The following FANCD2 variants were observed in gnomAD, a reference collection of about 807,000 sequenced individuals.
The protein encoded by FANCD2 is Fanconi anemia group D2 protein.
A neutral mutation model predicts 192.3 loss-of-function variants in FANCD2; 131 were observed. The observed-to-expected ratio is 0.68, with a 90% CI of 0.59 to 0.79. The LOEUF is 0.79. FANCD2 is among the 30% of genes least tolerant of loss of function. FANCD2 has a pLI of 0.00. For synonymous variants in FANCD2, 524 were observed against 612.5 expected, an observed-to-expected ratio of 0.86 and a Z score of 2.13; for missense variants, 1,508 against 1,701.6, an observed-to-expected ratio of 0.89 and a Z score of 2.00.
At position 10,101,194 on chromosome 3, in the gene FANCD2, G is replaced by A. The variant is rs1695278220; in HGVS notation, c.4288G>A (p.Glu1430Lys). The change falls in exon 44 of 44, where the codon GAA becomes AAA. Residue 1430 changes from glutamate (E) to lysine (K), a missense_variant. Glu to Lys is a moderately conservative substitution (Grantham distance 56, BLOSUM62 1). This residue lies in a region of FANCD2 where 796 missense variants were observed against 879.4 expected (regional missense o/e 0.91). Transcript: ENST00000675286. ...ASKSKATEDG[E>K]EDEVSAGEKE... The stretch of plus-strand genomic sequence containing the variant: ...TTTATTCTTTGCCCCTTAGGATGGT[G>A]AAGAAGACGAAGTAAGTGCTGGAGA... 9 of 1,612,472 alleles carry A rather than the reference G, an allele frequency of 5.6e-6. No individual in the cohort carries two copies. The highest frequency in any genetic ancestry group is 7.6e-6 in the Non-Finnish European group (9 of 1,178,624).
intron 29 of FANCD2, among the ~76,000 whole-genome samples, chr3:10,075,910 T>C (rs1429406948): frequency 3.3e-5 from 5 of 151,826 alleles, no homozygotes; most frequent in African/African-American, 1.2e-4. Context: ...TTTTGTATTT[T>C]TAATAGAGAC....
chr3:10,079,921 C>CTT (rs1158025491), intron 30 of FANCD2, among the ~76,000 whole-genome samples: 21 of 145,004 alleles, frequency 1.4e-4, no homozygotes, highest in African/African-American at 4.5e-4. Flanking sequence ...TCTTCGTCTT[C>CTT]TTTTTTTTTT....
intron 18 of FANCD2, among the ~76,000 whole-genome samples, chr3:10,055,414 G>A (rs188383800): frequency 4.6e-4 from 70 of 152,058 alleles, no homozygotes; most frequent in Non-Finnish European, 2.1e-4. Flanking sequence ...GGAATCATAC[G>A]ATATGTATCC....
intron 42 of FANCD2, among the ~76,000 whole-genome samples, chr3:10,097,353 G>GT (rs1361357399): frequency 1.3e-5 from 2 of 152,156 alleles, no homozygotes; most frequent in Admixed American, 1.3e-4. Context: ...GGAGACTGGA[G>GT]TTTATTTCAC....
chr3:10,060,377 C>T lies in FANCD2; in HGVS notation c.1740C>T (p.Thr580=), dbSNP rs200041772. Reference sequence around the variant, plus strand: ...TCATTGGGATTATTGGTGCTGTGACCATGGCTGGCATCATGGCGGCAGACA... The same window carrying T: ...TCATTGGGATTATTGGTGCTGTGACTATGGCTGGCATCATGGCGGCAGACA... ...YKLIGIIGAV[T]MAGIMAADRS... is the part of the protein sequence containing the mutation. The change falls in exon 19 of 44, where the codon ACC becomes ACT. Residue 580 remains threonine (T), a synonymous_variant. Coordinates refer to ENST00000675286, the MANE Select transcript of FANCD2 (RefSeq NM_001018115.3). 1.8e-5 allele frequency: 29 copies of T among 1,613,770 alleles called. No individual in the cohort carries two copies. Among genetic ancestry groups the T allele is most frequent in the Non-Finnish European group, 2.3e-5 (27 of 1,179,952 alleles).
chr3:10,081,432 G>T lies in FANCD2; in HGVS notation c.3192G>T (p.Arg1064Ser). The change falls in exon 32 of 44, where the codon AGG (arginine) becomes AGT (serine). Residue 1064 changes from arginine to serine, a missense_variant. Around this residue, in one of 5 missense-constraint regions of FANCD2, gnomAD observed 796 missense variants for 879.4 expected, o/e 0.91. Coordinates refer to ENST00000675286, the MANE Select transcript of FANCD2 (RefSeq NM_001018115.3). ...ACATAATGTCTTCCTGCTATCAGAG[G>T]CTGCTGCAGATTTTTCATGGGCTTT... ...EYHIMSSCYQ[R>S]LLQIFHGLFA... 6.2e-7 allele frequency: 1 copy of T among 1,613,980 alleles called. No homozygotes were observed. Among genetic ancestry groups the T allele is most frequent in the African/African-American group, 1.3e-5 (1 of 75,058 alleles).
In FANCD2 at chr3:10,088,473, G is replaced by A; in HGVS notation, c.3491G>A (p.Cys1164Tyr). The A allele has an allele frequency of 6.2e-7, 1 of 1,611,386 alleles. No individual in the cohort carries two copies. The highest frequency in any genetic ancestry group is 8.5e-7 in the Non-Finnish European group (1 of 1,177,512). ...GCTTCCCTTGCCAGACAATTCCTCT[G>A]TCGGGTGTGGCCAAGTGGGGATAAA... The part of the protein sequence containing the change: ...KIASLARQFL[C>Y]RVWPSGDKEK... The change falls in exon 35 of 44, where the codon TGT becomes TAT. Residue 1164 changes from cysteine to tyrosine, a missense_variant. By Grantham distance (194) the Cys-to-Tyr change is radical. This residue lies in a region of FANCD2 where 796 missense variants were observed against 879.4 expected (regional missense o/e 0.91). Transcript: ENST00000675286.
chr3:10,071,139 GAAAA>G (rs1210612879), intron 26 of FANCD2, among the ~76,000 whole-genome samples: 20 of 115,530 alleles, frequency 1.7e-4, no homozygotes, highest in Admixed American at 1.4e-3. Flanking sequence ...AAAAAAAAAA[GAAAA>G]AAAGAAAAAA....
intron 32 of FANCD2, among the ~76,000 whole-genome samples, chr3:10,085,597 G>A (rs750828943): frequency 3.3e-5 from 5 of 151,784 alleles, no homozygotes; most frequent in Non-Finnish European, 7.4e-5. Context: ...TCACCGTGTT[G>A]GCCAAGATGG....
chr3:10,095,308 C>T (rs1270605965), intron 41 of FANCD2, 34 bp downstream of exon 41: 2 of 1,575,264 alleles, frequency 1.3e-6, no homozygotes, highest in Non-Finnish European at 1.7e-6. Context: ...CAGCAGCCTG[C>T]CTGTTGGCTT....
chr3:10,047,482 G>A (rs79856812), intron 15 of FANCD2, among the ~76,000 whole-genome samples: 7 of 11,766 alleles, frequency 5.9e-4, no homozygotes, highest in African/African-American at 2.9e-3. Flanking sequence ...TTATTGGTAG[G>A]TTATGATCAC....
chr3:10,067,208 G>T lies in FANCD2; in HGVS notation c.2386-1G>T. On this transcript the variant is annotated splice_acceptor_variant, in intron 25 of 43. Transcript: ENST00000675286. LOFTEE classifies it high-confidence loss of function. Reference sequence around the variant, plus strand: ...ATGAGAATGTAATTTGTACTTTGCAGATTGTAAATGCCTTCTGCCAGGAAA... The same window carrying T: ...ATGAGAATGTAATTTGTACTTTGCATATTGTAAATGCCTTCTGCCAGGAAA... The T allele has an allele frequency of 1.3e-6, 2 of 1,595,092 alleles. No homozygotes were observed. The highest frequency in any genetic ancestry group is 1.1e-5 in the South Asian group (1 of 90,556).
chr3:10,097,088 G>A (rs1695014160), intron 42 of FANCD2, among the ~76,000 whole-genome samples: 1 of 152,184 alleles, frequency 6.6e-6, no homozygotes, highest in African/African-American at 2.4e-5. Context: ...TTTCAAAAGG[G>A]GAGGGAGTGT....
rs555539811 is a variant in FANCD2, at chr3:10,095,209, C to T, written c.3973C>T (p.Leu1325=). ...AACTTATTGGTTATAGGAAGATGTT[C>T]TGAGCTTACTGGAAACCTTCCAGTT... ...FSFRKHREDV[L]SLLETFQLDT... The change falls in exon 41 of 44, where the codon CTG becomes TTG. Residue 1325 remains leucine, a synonymous_variant. Coordinates refer to ENST00000675286, the MANE Select transcript of FANCD2 (RefSeq NM_001018115.3). 6.2e-7 allele frequency: 1 copy of T among 1,613,642 alleles called. No individual in the cohort carries two copies. The highest frequency in any genetic ancestry group is 1.3e-5 in the African/African-American group (1 of 74,944).
chr3:10,101,377 CTTTTTTTTTTTT>C lies in FANCD2; in HGVS notation c.*129_*140del, dbSNP rs950337384. On this transcript the variant is annotated 3_prime_UTR_variant, in exon 44 of 44. Transcript: ENST00000675286. ...ACTGGTAGGATCCTTTTTTGTTCCT[CTTTTTTTTTTTT>C]TTTTTTTTTTTTTAAAGACGGGGAC... 1.8e-5 allele frequency: 7 copies of C among 388,516 alleles called. No homozygotes were observed. The highest frequency in any genetic ancestry group is 1.3e-4 in the East Asian group (3 of 22,284). 24.1% of individuals were successfully genotyped at this position (388,516 alleles called of 1,614,324 possible).
At chr3:10,055,159 G>T (rs1482259696) in intron 18 of FANCD2, among the ~76,000 whole-genome samples, 7 of 151,946 alleles carry the variant, frequency 4.6e-5, no homozygotes, top group African/African-American at 1.5e-4. Flanking sequence ...TTTGAATTTT[G>T]ATAAAATATA....
At chr3:10,071,126 A>T (rs1321200248) in intron 26 of FANCD2, among the ~76,000 whole-genome samples, 6 of 86,754 alleles carry the variant, frequency 6.9e-5, no homozygotes, top group South Asian at 3.2e-4. Context: ...AATGATCGAT[A>T]AAAAAAAAAA....
intron 2 of FANCD2, among the ~76,000 whole-genome samples, chr3:10,032,604 C>G (rs1247880610): frequency 6.6e-6 from 1 of 152,092 alleles, no homozygotes; most frequent in Non-Finnish European, 1.5e-5. Flanking sequence ...CCTTGCCTGG[C>G]CAGAAATGGC....
chr3:10,044,918 T>C (rs1463782291), intron 14 of FANCD2, among the ~76,000 whole-genome samples: 1 of 152,212 alleles, frequency 6.6e-6, no homozygotes, highest in Non-Finnish European at 1.5e-5. Context: ...TAACATTTTT[T>C]CTCCTGTCAT....
Sources: gnomAD v4.1 joint callset for allele counts (sites outside exome capture counted in the v4.1 genomes callset) on GRCh38, gnomAD v4.1.1 for gene constraint, gnomAD v4.1.1 regional missense constraint, MANE v1.5 for transcripts, NCBI Gene and HGNC (gene_info 2026-07-23, HGNC 2026-07-21) for gene names.